DRD2: variants seen among roughly 807,000 people sequenced by gnomAD.
DRD2 encodes the protein dopamine receptor D2, also known as D(2) dopamine receptor.
In DRD2, 8 loss-of-function variants were observed where a neutral mutation model predicts 38.0. That is an observed-to-expected ratio of 0.21 (90% CI 0.12 to 0.38). The LOEUF (loss-of-function observed/expected upper bound fraction) is 0.38. Among genes scored for constraint, DRD2 ranks in the 10% least tolerant of loss-of-function variants. The pLI is 1.00. For missense variants in DRD2, 403 were observed against 607.7 expected, an observed-to-expected ratio of 0.66 and a Z score of 3.54; for synonymous variants, 230 against 238.6, an observed-to-expected ratio of 0.96 and a Z score of 0.33.
At chr11:113,434,987 C>T (rs1419014898) in intron 1 of DRD2, among the ~76,000 whole-genome samples, 1 of 152,198 alleles carries the variant, frequency 6.6e-6, no homozygotes, top group Admixed American at 6.5e-5. Context: ...CTGAGCATGA[C>T]CAGGCCTCCC....
intron 1 of DRD2, among the ~76,000 whole-genome samples, chr11:113,462,234 T>A (rs4322431): frequency 0.26 from 39,785 of 152,010 alleles, 6,478 homozygotes; most frequent in South Asian, 0.39. Context: ...AGGAACAGGA[T>A]CCACCAAGGC....
intron 6 of DRD2, 61 bp downstream of exon 6, chr11:113,414,314 G>A: frequency 6.6e-7 from 1 of 1,509,254 alleles, no homozygotes; most frequent in Non-Finnish European, 9.2e-7. Flanking sequence ...CAGAACCATG[G>A]CCAGTGGGCT....
chr11:113,434,317 C>T (rs1031779543), intron 1 of DRD2, among the ~76,000 whole-genome samples: 2 of 152,242 alleles, frequency 1.3e-5, no homozygotes, highest in African/African-American at 2.4e-5. Context: ...ATGCTCCACA[C>T]GTTTGAGAGA....
chr11:113,461,302 G>A (rs539072993), intron 1 of DRD2, among the ~76,000 whole-genome samples: 10 of 152,262 alleles, frequency 6.6e-5, no homozygotes, highest in South Asian at 2.1e-4. Context: ...AGTGAGTCCC[G>A]CTAGTTTTGT....
chr11:113,417,079 C>A, intron 3 of DRD2, 80 bp from the exon 4 acceptor site: 2 of 1,558,978 alleles, frequency 1.3e-6, no homozygotes, highest in South Asian at 1.2e-5. Flanking sequence ...CCAGAGACAC[C>A]CTCACTCCTT....
intron 1 of DRD2, among the ~76,000 whole-genome samples, chr11:113,429,847 C>T (rs1950970592): frequency 6.6e-6 from 1 of 152,244 alleles, no homozygotes; most frequent in African/African-American, 2.4e-5. Flanking sequence ...TTCCTGAGCC[C>T]AGTTTTCCCA....
At chr11:113,441,812 AT>A (rs1951095644) in intron 1 of DRD2, among the ~76,000 whole-genome samples, 1 of 152,058 alleles carries the variant, frequency 6.6e-6, no homozygotes, top group African/African-American at 2.4e-5. Context: ...GTGAAACCCC[AT>A]CTCTACTAAA....
intron 1 of DRD2, among the ~76,000 whole-genome samples, chr11:113,446,011 G>C (rs1018487507): frequency 1.3e-5 from 2 of 152,234 alleles, no homozygotes; most frequent in African/African-American, 2.4e-5. Flanking sequence ...CCAGTGAGTT[G>C]CCTGTTGTCC....
intron 3 of DRD2, among the ~76,000 whole-genome samples, chr11:113,417,512 AG>A (rs1950839080): frequency 6.6e-6 from 1 of 152,004 alleles, no homozygotes; most frequent in South Asian, 2.1e-4. Flanking sequence ...GAATGGTGTG[AG>A]GGAGGTAGGG....
chr11:113,423,591 A>T (rs1950906674), intron 2 of DRD2, among the ~76,000 whole-genome samples: 1 of 152,152 alleles, frequency 6.6e-6, no homozygotes, highest in Admixed American at 6.5e-5. Context: ...TATTTTGTAA[A>T]GTGAGAAGAG....
At chr11:113,469,732 C>A (rs1244780800) in intron 1 of DRD2, among the ~76,000 whole-genome samples, 1 of 152,056 alleles carries the variant, frequency 6.6e-6, no homozygotes, top group South Asian at 2.1e-4. Context: ...CCCAGCTGCT[C>A]GGGTGGCTGA....
chr11:113,419,931 G>T (rs970376739), intron 2 of DRD2, among the ~76,000 whole-genome samples: 2 of 152,194 alleles, frequency 1.3e-5, no homozygotes, highest in African/African-American at 4.8e-5. Context: ...TGGGGGCCCC[G>T]TACCAGGGCC....
intron 1 of DRD2, among the ~76,000 whole-genome samples, chr11:113,445,981 G>A (rs1951144554): frequency 6.6e-6 from 1 of 152,150 alleles, no homozygotes; most frequent in African/African-American, 2.4e-5. Flanking sequence ...AGCATTTCCA[G>A]GGGCCTGGGT....
At chr11:113,440,150 T>C (rs1346425140) in intron 1 of DRD2, among the ~76,000 whole-genome samples, 1 of 152,198 alleles carries the variant, frequency 6.6e-6, no homozygotes, top group Non-Finnish European at 1.5e-5. Flanking sequence ...ATGCAACTTC[T>C]GTGTATGCTC....
chr11:113,432,784 T>C (rs1439224071), intron 1 of DRD2, among the ~76,000 whole-genome samples: 2 of 152,204 alleles, frequency 1.3e-5, no homozygotes, highest in Non-Finnish European at 2.9e-5. Context: ...AGGCTCTCAC[T>C]TGGGGTTGGA....
chr11:113,429,419 G>T lies in DRD2; in HGVS notation c.-31-4737C>A, dbSNP rs990774208. ...GCCACCATGTCCAGCTAATTTTTTT[G>T]TATTTTTAGTAGAGACGGGGTTTCA... On this transcript the variant is annotated intron_variant, in intron 1 of 7. Transcript: ENST00000362072. 2.6e-5 allele frequency among the ~76,000 whole-genome samples: 4 copies of T among 152,240 alleles called. No individual in the cohort carries two copies. The South Asian group carries it at 8.3e-4, about 32-fold the overall frequency.
intron 1 of DRD2, among the ~76,000 whole-genome samples, chr11:113,447,331 G>T (rs1381439256): frequency 2.0e-5 from 3 of 152,110 alleles, no homozygotes; most frequent in Non-Finnish European, 4.4e-5. Flanking sequence ...TTTCCTGGGG[G>T]AGCTCTCTCG....
intron 2 of DRD2, 65 bp from the exon 3 acceptor site, chr11:113,418,201 T>C (rs1950845920): frequency 7.4e-7 from 1 of 1,349,432 alleles, no homozygotes; most frequent in Admixed American, 1.7e-5. Context: ...TCCTGTAGCC[T>C]GGTACTCCTG....
In DRD2 at chr11:113,415,526, C is replaced by A. The variant is rs147086003; in HGVS notation, c.618G>T (p.Leu206=). 1.1e-5 allele frequency: 17 copies of A among 1,613,874 alleles called. No individual in the cohort carries two copies. Among genetic ancestry groups the A allele is most frequent in the African/African-American group, 1.3e-5 (1 of 74,828 alleles). Residue 206 remains leucine, a synonymous_variant, in exon 5 of 8, where the codon CTG becomes CTT. Transcript: ENST00000362072. The part of the protein sequence containing the change: ...VSFYVPFIVT[L]LVYIKIYIVL... ...CAATGTAGATCTTGATGTAGACCAG[C>A]AGGGTGACAATGAAGGGCACGTAGA...
Sources: allele counts gnomAD v4.1 joint callset (sites outside exome capture counted in the v4.1 genomes callset), GRCh38; gene constraint gnomAD v4.1.1; transcripts MANE v1.5; gene names NCBI Gene and HGNC (gene_info 2026-07-23, HGNC 2026-07-21).